Variants in ATRNL1 observed in about 807,000 individuals in gnomAD.
ATRNL1 encodes the protein attractin-like protein 1.
In ATRNL1, 95 loss-of-function variants were observed where a neutral mutation model predicts 182.7. The observed-to-expected ratio is 0.52, with a 90% CI of 0.44 to 0.62. The LOEUF (loss-of-function observed/expected upper bound fraction) is 0.62, where lower values mean the gene tolerates loss of function less well. Among genes scored for constraint, ATRNL1 ranks in the 20% least tolerant of loss-of-function variants. The probability of loss-of-function intolerance (pLI) is 0.00; values close to 1 mark genes in which losing one functional copy is unlikely to be tolerated. For synonymous variants in ATRNL1, 576 were observed against 568.3 expected, an observed-to-expected ratio of 1.01 and a Z score of -0.19; for missense variants, 1,471 against 1,679.5, an observed-to-expected ratio of 0.88 and a Z score of 2.17.
chr10:115,860,794 CT>C (rs535353627), intron 28 of ATRNL1, among the ~76,000 whole-genome samples: 96 of 152,266 alleles, frequency 6.3e-4, no homozygotes, highest in Non-Finnish European at 8.7e-4. Flanking sequence ...ATTCCATTTT[CT>C]TTTGTTCTCT....
At chr10:115,582,146 G>A (rs1855140519) in intron 26 of ATRNL1, among the ~76,000 whole-genome samples, 1 of 151,808 alleles carries the variant, frequency 6.6e-6, no homozygotes, top group Non-Finnish European at 1.5e-5. Context: ...GTCTATCATT[G>A]TTGGGCATTT....
chr10:115,568,215 T>C (rs1854179399), intron 26 of ATRNL1, among the ~76,000 whole-genome samples: 1 of 152,040 alleles, frequency 6.6e-6, no homozygotes, highest in South Asian at 2.1e-4. Context: ...TAGTGATATG[T>C]GTTATTTCAG....
chr10:115,640,886 A>G (rs1386467500), intron 26 of ATRNL1, among the ~76,000 whole-genome samples: 1 of 152,070 alleles, frequency 6.6e-6, no homozygotes, highest in East Asian at 1.9e-4. Flanking sequence ...GTTTTCTTCT[A>G]GAGTTTTTAT....
intron 28 of ATRNL1, among the ~76,000 whole-genome samples, chr10:115,903,389 TA>T (rs1952410958): frequency 6.6e-6 from 1 of 152,192 alleles, no homozygotes; most frequent in African/African-American, 2.4e-5. Context: ...AGGAGCATTA[TA>T]TTTTGCCTCC....
intron 26 of ATRNL1, among the ~76,000 whole-genome samples, chr10:115,696,577 G>A (rs1946566217): frequency 6.6e-6 from 1 of 152,150 alleles, no homozygotes; most frequent in African/African-American, 2.4e-5. Context: ...GGTCTTTGAG[G>A]AATCTCCATA....
chr10:115,659,150 C>T (rs1860518122), intron 26 of ATRNL1, among the ~76,000 whole-genome samples: 1 of 152,088 alleles, frequency 6.6e-6, no homozygotes. Flanking sequence ...ATCACCATCT[C>T]TACACAACAT....
rs1953844424 is a variant in ATRNL1 at position 115,945,016 on chromosome 10, C to T, written c.*237C>T. 1 of 319,314 alleles carries T rather than the reference C, an allele frequency of 3.1e-6. No homozygotes were observed. Among genetic ancestry groups the T allele is most frequent in the Non-Finnish European group, 5.6e-6 (1 of 177,724 alleles). The allele number at this position is 319,314 out of a possible 1,614,324, so 19.8% of individuals were successfully genotyped here. Reference sequence around the variant, plus strand: ...TACCACTATCTTAGGCTTATTATAGCTAACATTAAATTACTCTGGAAAAAG... The same window carrying T: ...TACCACTATCTTAGGCTTATTATAGTTAACATTAAATTACTCTGGAAAAAG... On this transcript the variant is annotated 3_prime_UTR_variant, in exon 29 of 29. Coordinates refer to ENST00000355044, the MANE Select transcript of ATRNL1 (RefSeq NM_207303.4).
At chr10:115,454,089 T>C (rs1477327582) in intron 21 of ATRNL1, among the ~76,000 whole-genome samples, 4 of 152,076 alleles carry the variant, frequency 2.6e-5, no homozygotes, top group Non-Finnish European at 5.9e-5. Context: ...CTGTGTATGG[T>C]ATAAGGGTCT....
intron 26 of ATRNL1, among the ~76,000 whole-genome samples, chr10:115,647,768 A>G (rs1859725138): frequency 6.6e-6 from 1 of 152,146 alleles, no homozygotes. Flanking sequence ...CACTCTGATA[A>G]TAGTTTCTTT....
At chr10:115,515,615 A>T (rs1309538171) in intron 24 of ATRNL1, among the ~76,000 whole-genome samples, 1 of 151,914 alleles carries the variant, frequency 6.6e-6, no homozygotes, top group Admixed American at 6.6e-5. Flanking sequence ...ATGGATTAAA[A>T]ATATATTTTA....
At position 115,574,341 on chromosome 10, in the gene ATRNL1, C is replaced by CAT. The variant is rs1195475567; in HGVS notation, c.3795+24813_3795+24814dup. Among the ~76,000 whole-genome samples the CAT allele has an allele frequency of 4.0e-5, 5 of 124,714 alleles. No individual in the cohort carries two copies. In the East Asian group the frequency reaches 1.5e-3, roughly 37 times the overall value. 81.8% of individuals were successfully genotyped at this position (124,714 alleles called of 152,430 possible). ...AAGTAGTTTTGTATATATAAAACTA[C>CAT]ATATATATAAATGTATATATATATA... On this transcript the variant is annotated intron_variant, in intron 26 of 28. Coordinates refer to ENST00000355044, the MANE Select transcript of ATRNL1 (RefSeq NM_207303.4).
chr10:115,224,940 A>G (rs1849631188), intron 9 of ATRNL1, among the ~76,000 whole-genome samples: 2 of 152,166 alleles, frequency 1.3e-5, no homozygotes, highest in Admixed American at 6.6e-5. Flanking sequence ...TTTCCCAAAT[A>G]TTTAAGAAAT....
At chr10:115,206,540 A>G (rs181971240) in intron 8 of ATRNL1, among the ~76,000 whole-genome samples, 1 of 152,196 alleles carries the variant, frequency 6.6e-6, no homozygotes. Context: ...TAGGTTATAA[A>G]GAACACAATA....
chr10:115,817,144 G>A (rs915190067), intron 27 of ATRNL1, among the ~76,000 whole-genome samples: 1 of 151,976 alleles, frequency 6.6e-6, no homozygotes, highest in Admixed American at 6.6e-5. Flanking sequence ...CCTAGAGCCA[G>A]TGAAACACAG....
At chr10:115,620,094 T>A (rs1478786201) in intron 26 of ATRNL1, among the ~76,000 whole-genome samples, 1 of 152,238 alleles carries the variant, frequency 6.6e-6, no homozygotes, top group Non-Finnish European at 1.5e-5. Flanking sequence ...TTCTGCAGTC[T>A]GTAGACGTGT....
At chr10:115,573,885 T>G (rs563553472) in intron 26 of ATRNL1, among the ~76,000 whole-genome samples, 1 of 152,232 alleles carries the variant, frequency 6.6e-6, no homozygotes, top group South Asian at 2.1e-4. Flanking sequence ...TACCATTGCT[T>G]TCAAAATACT....
chr10:115,502,760 G>A (rs1056084480), intron 24 of ATRNL1, among the ~76,000 whole-genome samples: 2 of 152,012 alleles, frequency 1.3e-5, no homozygotes, highest in Non-Finnish European at 2.9e-5. Context: ...CTTTAAAAAT[G>A]GCCCTATAGC....
chr10:115,888,772 G>A (rs564885846), intron 28 of ATRNL1, among the ~76,000 whole-genome samples: 1 of 152,260 alleles, frequency 6.6e-6, no homozygotes, highest in East Asian at 1.9e-4. Flanking sequence ...GTGACTTGAC[G>A]ATTTAGGCCC....
intron 18 of ATRNL1, among the ~76,000 whole-genome samples, chr10:115,327,183 C>T (rs1255040246): frequency 4.6e-5 from 7 of 151,726 alleles, no homozygotes; most frequent in African/African-American, 1.2e-4. Context: ...GCAACCTACT[C>T]ATCTGACAAA....
Sources: allele counts gnomAD v4.1 joint callset (sites outside exome capture counted in the v4.1 genomes callset), GRCh38; gene constraint gnomAD v4.1.1; transcripts MANE v1.5; gene names NCBI Gene and HGNC (gene_info 2026-07-23, HGNC 2026-07-21).